SYNE2: variants seen among roughly 807,000 people sequenced by gnomAD.
SYNE2 encodes spectrin repeat containing nuclear envelope protein 2, also known as nesprin-2.
In SYNE2, 431 loss-of-function variants were observed where a neutral mutation model predicts 856.3. The observed-to-expected ratio is 0.50, with a 90% CI of 0.47 to 0.55. SYNE2 has a LOEUF of 0.55. SYNE2 is among the 20% of genes least tolerant of loss of function. The pLI is 0.00. For missense variants in SYNE2, 8,129 were observed against 8,023.2 expected, an observed-to-expected ratio of 1.01 and a Z score of -0.50; for synonymous variants, 2,923 against 2,872.3, an observed-to-expected ratio of 1.02 and a Z score of -0.56.
In SYNE2 at chr14:64,184,329, GGTGTGTGTGT is replaced by G. The variant is rs767980383; in HGVS notation, c.17557-2070_17557-2061del. 1.7e-4 allele frequency among the ~76,000 whole-genome samples: 24 copies of G among 144,256 alleles called. 1 individual carries two copies. The highest frequency in any genetic ancestry group is 7.5e-4 in the Admixed American group (11 of 14,576). The allele number at this position is 144,256 out of a possible 152,430, so 94.6% of individuals were successfully genotyped here. ...CAGAGAGCCACACTGTATGCATAGG[GGTGTGTGTGT>G]GTGTGTGTGTGTGTGTGTGTGTGTA... is the stretch of plus-strand genomic sequence containing the variant. On this transcript the variant is annotated intron_variant, in intron 96 of 115. Transcript: ENST00000555002.
chr14:64,182,003 A>G (rs576099602), intron 96 of SYNE2, among the ~76,000 whole-genome samples: 1 of 152,288 alleles, frequency 6.6e-6, no homozygotes, highest in South Asian at 2.1e-4. Flanking sequence ...AGTTTGTTGT[A>G]TTTTCTTCCA....
chr14:63,774,954 T>TTTTA (rs1000791428), intron 1 of SYNE2, among the ~76,000 whole-genome samples: 1 of 150,912 alleles, frequency 6.6e-6, no homozygotes, highest in Non-Finnish European at 1.5e-5. Context: ...TTTAATTTAA[T>TTTTA]TTTATTTATT....
At chr14:63,871,494 C>T (rs1443895563) in intron 1 of SYNE2, among the ~76,000 whole-genome samples, 2 of 151,922 alleles carry the variant, frequency 1.3e-5, no homozygotes, top group Non-Finnish European at 2.9e-5. Flanking sequence ...AGGCATGAGC[C>T]ACCGTGCCTG....
At chr14:64,138,951 GT>G (rs2098118965) in intron 79 of SYNE2, among the ~76,000 whole-genome samples, 8 of 106,544 alleles carry the variant, frequency 7.5e-5, no homozygotes, top group African/African-American at 2.2e-4. Context: ...TGTATGGTGT[GT>G]GTGTGTGTGT....
chr14:63,957,786 C>A (rs1293400108), intron 8 of SYNE2, among the ~76,000 whole-genome samples: 2 of 152,104 alleles, frequency 1.3e-5, no homozygotes, highest in African/African-American at 4.8e-5. Context: ...TAGTGCTGAT[C>A]AAGGTTGTCA....
chr14:64,183,592 C>A (rs934343742), intron 96 of SYNE2, among the ~76,000 whole-genome samples: 11 of 131,558 alleles, frequency 8.4e-5, no homozygotes, highest in Non-Finnish European at 1.7e-4. Flanking sequence ...TGTAGCGAGC[C>A]GAGATCACGC....
Position 64,029,878 on chromosome 14 carries a change from T to G in SYNE2, c.6715-17T>G, listed in dbSNP as rs1294798588. 1 of 1,611,286 alleles carries G rather than the reference T, an allele frequency of 6.2e-7. No homozygotes were observed. ...AGAGAGAAATAATTTGTAAATTGTC[T>G]GTGGCTTTATTTTTAGGATTCTGTG... On this transcript the variant is annotated splice_polypyrimidine_tract_variant and intron_variant, in intron 43 of 115. Transcript: ENST00000555002.
chr14:64,020,329 C>T (rs758784155), intron 35 of SYNE2, among the ~76,000 whole-genome samples: 2 of 152,270 alleles, frequency 1.3e-5, no homozygotes, highest in Non-Finnish European at 2.9e-5. Context: ...AAAAAAATTT[C>T]ATAATGTTTT....
chr14:63,999,722 C>G (rs769456502), intron 27 of SYNE2, among the ~76,000 whole-genome samples: 2 of 152,170 alleles, frequency 1.3e-5, no homozygotes, highest in Non-Finnish European at 2.9e-5. Flanking sequence ...GATGCACGCC[C>G]TGAGTGCATT....
intron 2 of SYNE2, among the ~76,000 whole-genome samples, chr14:63,912,021 A>G (rs955573791): frequency 2.0e-5 from 3 of 152,066 alleles, no homozygotes; most frequent in Non-Finnish European, 4.4e-5. Flanking sequence ...GTGGTGCTGG[A>G]CACACTGCTG....
intron 1 of SYNE2, among the ~76,000 whole-genome samples, chr14:63,777,450 G>T (rs1887151131): frequency 1.3e-5 from 2 of 152,144 alleles, no homozygotes; most frequent in African/African-American, 4.8e-5. Context: ...TGGGAGGATT[G>T]CTTGTGCTCA....
chr14:63,815,951 T>C (rs1595139497), intron 1 of SYNE2, among the ~76,000 whole-genome samples: 1 of 144,874 alleles, frequency 6.9e-6, no homozygotes, highest in South Asian at 2.2e-4. Flanking sequence ...AATTATTCTT[T>C]TTTTTTTTTT....
At chr14:64,190,908 C>T (rs1372507433) in intron 99 of SYNE2, 1 of 699,400 alleles carries the variant, frequency 1.4e-6, no homozygotes, top group East Asian at 2.7e-5. Flanking sequence ...CAAATTCCCT[C>T]TCTAAAGACA....
At chr14:63,950,920 G>C (rs1403216600) in intron 7 of SYNE2, among the ~76,000 whole-genome samples, 1 of 152,024 alleles carries the variant, frequency 6.6e-6, no homozygotes, top group Non-Finnish European at 1.5e-5. Flanking sequence ...GTCTTCGAAA[G>C]TGCTGGGATT....
intron 52 of SYNE2, among the ~76,000 whole-genome samples, chr14:64,071,996 A>G (rs1460519794): frequency 1.3e-5 from 2 of 152,138 alleles, no homozygotes; most frequent in Non-Finnish European, 2.9e-5. Context: ...CCAGCCTGAA[A>G]CGTCCATCTC....
intron 49 of SYNE2, among the ~76,000 whole-genome samples, chr14:64,061,256 C>G (rs2097314849): frequency 6.6e-6 from 1 of 152,126 alleles, no homozygotes; most frequent in South Asian, 2.1e-4. Context: ...CATTATGACT[C>G]TGAGGTTTAT....
At chr14:64,184,945 C>A (rs1266927) in intron 96 of SYNE2, among the ~76,000 whole-genome samples, 86,960 of 152,166 alleles carry the variant, frequency 0.57, 27,387 homozygotes, top group African/African-American at 0.85. Context: ...GGGCCTTTCA[C>A]ACTTATCCCT....
At chr14:64,122,460 G>A in intron 70 of SYNE2, 33 bp downstream of exon 70, 2 of 1,613,984 alleles carry the variant, frequency 1.2e-6, no homozygotes, top group Non-Finnish European at 1.7e-6. Flanking sequence ...CAAATAGCCT[G>A]TTTATCTTTG....
At chr14:64,020,530 T>C (rs913675428) in intron 35 of SYNE2, among the ~76,000 whole-genome samples, 1 of 152,216 alleles carries the variant, frequency 6.6e-6, no homozygotes, top group Non-Finnish European at 1.5e-5. Flanking sequence ...TATTCCATAT[T>C]TAGCGTCAAT....
Sources: gnomAD v4.1 joint callset for allele counts (sites outside exome capture counted in the v4.1 genomes callset) on GRCh38, gnomAD v4.1.1 for gene constraint, MANE v1.5 for transcripts, NCBI Gene and HGNC (gene_info 2026-07-23, HGNC 2026-07-21) for gene names.